Variants in AKAP9 observed in about 807,000 individuals in gnomAD.
The protein encoded by AKAP9 is A-kinase anchoring protein 9, also known as A-kinase anchor protein 9.
AKAP9 carries 311 observed loss-of-function variants against 488.5 expected under a neutral mutation model. The ratio of observed to expected loss-of-function variants is 0.64; its 90% CI spans 0.58 to 0.70. The LOEUF is 0.70. AKAP9 is among the 30% of genes least tolerant of loss of function. The pLI is 0.00. For missense variants in AKAP9, 4,215 were observed against 4,374.5 expected (o/e 0.96, Z 1.03); for synonymous variants, 1,462 against 1,483.5 (o/e 0.99, Z 0.33).
At chr7:91,988,754 T>C (rs183458371) in intron 3 of AKAP9, among the ~76,000 whole-genome samples, 1 of 152,318 alleles carries the variant, frequency 6.6e-6, no homozygotes, top group East Asian at 1.9e-4. Flanking sequence ...ACCTTTGAAC[T>C]GTATGAACCT....
chr7:91,988,566 C>A (rs1797388096), intron 3 of AKAP9, among the ~76,000 whole-genome samples: 1 of 152,132 alleles, frequency 6.6e-6, no homozygotes, highest in African/African-American at 2.4e-5. Context: ...CTTGGCAGAT[C>A]TAGATTGTAT....
chr7:92,070,871 A>T (rs756834224), intron 27 of AKAP9, 34 bp from the exon 28 acceptor site: 2 of 1,456,896 alleles, frequency 1.4e-6, no homozygotes, highest in Admixed American at 3.8e-5. Context: ...GATTTAATTT[A>T]TCAAATTTTG....
chr7:92,077,695 GGATGA>G lies in AKAP9; in HGVS notation c.6766_6770del (p.Asp2256HisfsTer12). 6.2e-7 allele frequency: 1 copy of G among 1,613,036 alleles called. No individual in the cohort carries two copies. Among genetic ancestry groups the G allele is most frequent in the South Asian group, 1.1e-5 (1 of 91,062 alleles). Reference sequence around the variant, plus strand: ...ACTGTGATAATTATTTTTGTTCCTAGGATGACATGGAGAAACTGGGACTTGCCATA... The same window carrying G: ...ACTGTGATAATTATTTTTGTTCCTAGCATGGAGAAACTGGGACTTGCCATA... On this transcript the variant is annotated frameshift_variant and splice_region_variant, in exon 30 of 50. Coordinates refer to ENST00000356239, the MANE Select transcript of AKAP9 (RefSeq NM_005751.5). LOFTEE classifies it high-confidence loss of function.
chr7:92,048,377 A>T (rs922260511), intron 21 of AKAP9, among the ~76,000 whole-genome samples: 1 of 152,238 alleles, frequency 6.6e-6, no homozygotes, highest in Non-Finnish European at 1.5e-5. Context: ...TCCTCATAAG[A>T]GTAACCTAGT....
In AKAP9 at chr7:91,947,759, G is replaced by C. The variant is rs953378029; in HGVS notation, c.48+6612G>C. On this transcript the variant is annotated intron_variant, in intron 1 of 49. Coordinates refer to ENST00000356239, the MANE Select transcript of AKAP9 (RefSeq NM_005751.5). ...ATGAAATAATGGTTGGGAGCTTTTT[G>C]AGTTCTCTAGGTGCTAGATATAAAG... 2.0e-5 allele frequency among the ~76,000 whole-genome samples: 3 copies of C among 152,202 alleles called. No individual in the cohort carries two copies. The East Asian group carries it at 5.8e-4, about 29-fold the overall frequency.
intron 31 of AKAP9, among the ~76,000 whole-genome samples, chr7:92,080,490 C>T (rs1183404273): frequency 6.6e-6 from 1 of 151,352 alleles, no homozygotes; most frequent in South Asian, 2.1e-4. Flanking sequence ...CCCAGCTACT[C>T]GGGAGGCTGA....
Position 92,093,213 on chromosome 7 carries a change from ATGG to A in AKAP9, c.9480_9482del (p.Val3161del), listed in dbSNP as rs1815943489. 6.2e-7 allele frequency: 1 copy of A among 1,614,034 alleles called. No individual in the cohort carries two copies. Among genetic ancestry groups the A allele is most frequent in the African/African-American group, 1.3e-5 (1 of 74,924 alleles). On this transcript the variant is annotated inframe_deletion, in exon 39 of 50. Coordinates refer to ENST00000356239, the MANE Select transcript of AKAP9 (RefSeq NM_005751.5). ...GCAGGAGCAGCTGAGTTCTGAGAAAATGGTGGTTGCTGAACTGAAGAGTGAGCT... is the reference window on the plus strand; with the variant it reads ...GCAGGAGCAGCTGAGTTCTGAGAAAATGGTTGCTGAACTGAAGAGTGAGCT...
At chr7:92,071,087 T>A (rs778912029) in intron 28 of AKAP9, 78 bp downstream of exon 28, 1 of 1,360,906 alleles carries the variant, frequency 7.3e-7, no homozygotes, top group Non-Finnish European at 1.0e-6. Context: ...TTATTTGAAC[T>A]GAATGTAGTT....
chr7:91,992,356 A>G, intron 4 of AKAP9, 145 bp downstream of exon 4: 1 of 737,472 alleles, frequency 1.4e-6, no homozygotes, highest in South Asian at 1.6e-5. Context: ...AAAGTTATCT[A>G]CCATTTATTA....
intron 8 of AKAP9, 136 bp from the exon 9 acceptor site, chr7:92,012,293 G>A (rs921251472): frequency 4.7e-5 from 35 of 746,192 alleles, no homozygotes; most frequent in South Asian, 7.7e-5. Context: ...GCAACAGCAC[G>A]AAGATAGAAA....
At chr7:92,000,156 A>G (rs963331890) in intron 7 of AKAP9, among the ~76,000 whole-genome samples, 1 of 152,204 alleles carries the variant, frequency 6.6e-6, no homozygotes, top group African/African-American at 2.4e-5. Flanking sequence ...TAGAATCCCA[A>G]ATAAGAACTG....
At chr7:92,107,194 T>C in intron 47 of AKAP9, 99 bp from the exon 48 acceptor site, 1 of 1,136,468 alleles carries the variant, frequency 8.8e-7, no homozygotes, top group Non-Finnish European at 1.3e-6. Flanking sequence ...TTGTATAATA[T>C]AGTATAATAG....
At chr7:92,041,004 A>T (rs1210164066) in intron 18 of AKAP9, 106 bp downstream of exon 18, 30 of 759,856 alleles carry the variant, frequency 3.9e-5, no homozygotes, top group African/African-American at 9.2e-5. Context: ...TGTAGCCATA[A>T]TTTTTTTTTT....
chr7:92,064,184 G>A (rs1206373571), intron 24 of AKAP9, among the ~76,000 whole-genome samples: 1 of 151,992 alleles, frequency 6.6e-6, no homozygotes, highest in African/African-American at 2.4e-5. Context: ...TAAGATGATG[G>A]TAGCAAAAGG....
chr7:92,099,110 A>G (rs1336800537), intron 43 of AKAP9, among the ~76,000 whole-genome samples: 1 of 152,204 alleles, frequency 6.6e-6, no homozygotes, highest in Non-Finnish European at 1.5e-5. Flanking sequence ...GAAAGTCACC[A>G]TAGACCACTT....
At position 91,979,483 on chromosome 7, in the gene AKAP9, A is replaced by G. The variant is rs145098917; in HGVS notation, c.307-806A>G. ...ATTATGGGAGCTACAATTCAAGATG[A>G]GATTTGGATGGGGGAACTCAGCCAA... On this transcript the variant is annotated intron_variant, in intron 2 of 49. Transcript: ENST00000356239. Among the ~76,000 whole-genome samples the G allele has an allele frequency of 2.8e-3, 430 of 152,336 alleles. 1 individual carries two copies. The highest frequency in any genetic ancestry group is 1.0e-2 in the African/African-American group (414 of 41,578).
intron 9 of AKAP9, among the ~76,000 whole-genome samples, chr7:92,013,287 G>A (rs551735142): frequency 3.9e-5 from 6 of 152,072 alleles, no homozygotes; most frequent in South Asian, 2.1e-4. Context: ...CACCGCGCCC[G>A]GCCGGGGTTG....
chr7:92,015,800 A>G (rs1343265882), intron 10 of AKAP9, among the ~76,000 whole-genome samples: 2 of 152,200 alleles, frequency 1.3e-5, no homozygotes, highest in African/African-American at 4.8e-5. Context: ...AAGGTATTTG[A>G]GATTACAGAG....
At chr7:92,031,465 G>T (rs1368365572) in intron 15 of AKAP9, 47 bp from the exon 16 acceptor site, 2 of 1,288,950 alleles carry the variant, frequency 1.6e-6, no homozygotes, top group East Asian at 4.6e-5. Context: ...AAAATAAGTG[G>T]TGTATAATTA....
Sources: gnomAD v4.1 joint callset for allele counts (sites outside exome capture counted in the v4.1 genomes callset) on GRCh38, gnomAD v4.1.1 for gene constraint, MANE v1.5 for transcripts, NCBI Gene and HGNC (gene_info 2026-07-23, HGNC 2026-07-21) for gene names.